The following XYLB variants were observed in gnomAD, a reference collection of about 807,000 sequenced individuals.
XYLB encodes xylulose kinase.
A neutral mutation model predicts 78.7 loss-of-function variants in XYLB; 62 were observed. The ratio of observed to expected loss-of-function variants is 0.79; its 90% CI spans 0.64 to 0.97. The LOEUF (loss-of-function observed/expected upper bound fraction) is 0.97, where lower values mean the gene tolerates loss of function less well. XYLB is among the 50% of genes least tolerant of loss of function. The pLI, the probability that XYLB is intolerant of heterozygous loss-of-function variation, is 0.00. For synonymous variants in XYLB, 245 were observed against 247.4 expected (o/e 0.99, Z 0.09); for missense variants, 687 against 676.8 (o/e 1.02, Z -0.17).
At position 38,355,852 on chromosome 3, in the gene XYLB, C is replaced by A. The variant is rs1290848117; in HGVS notation, c.141-4487C>A. On this transcript the variant is annotated intron_variant, in intron 2 of 18. Coordinates refer to ENST00000207870, the MANE Select transcript of XYLB (RefSeq NM_005108.4). ...CCCCACTCATGTTCCTAACCACCTA[C>A]TGATTGTGCTTTACATGAGGAGAAA... 8.6e-6 allele frequency: 6 copies of A among 699,932 alleles called. 1 individual carries two copies. In the Admixed American group the frequency reaches 1.0e-4, roughly 12 times the overall value. 43.4% of individuals were successfully genotyped at this position (699,932 alleles called of 1,614,324 possible).
intron 8 of XYLB, among the ~76,000 whole-genome samples, chr3:38,369,330 C>G (rs944819246): frequency 1.2e-4 from 19 of 152,208 alleles, no homozygotes; most frequent in Non-Finnish European, 2.1e-4. Context: ...TCCACCCGTT[C>G]TGCACACCTG....
At chr3:38,428,119 T>A in the XYLB span, among the ~76,000 whole-genome samples, 2 of 152,256 alleles carry the variant, frequency 1.3e-5, no homozygotes, top group Admixed American at 6.5e-5. Context: ...TATTAGGGGA[T>A]TTTCCAGATA....
intron 2 of XYLB, among the ~76,000 whole-genome samples, chr3:38,354,479 C>T (rs1346187394): frequency 6.6e-6 from 1 of 151,498 alleles, no homozygotes; most frequent in African/African-American, 2.4e-5. Context: ...ATCAGCTTTT[C>T]AGGTTCCAGA....
intron 17 of XYLB, among the ~76,000 whole-genome samples, chr3:38,397,920 A>G (rs562638836): frequency 5.4e-5 from 8 of 148,410 alleles, no homozygotes; most frequent in Non-Finnish European, 8.9e-5. Context: ...CCGGGTTCAC[A>G]CCATTCTCCT....
chr3:38,394,987 A>G (rs1156551363), intron 15 of XYLB, among the ~76,000 whole-genome samples: 1 of 152,202 alleles, frequency 6.6e-6, no homozygotes, highest in Non-Finnish European at 1.5e-5. Flanking sequence ...GGAAGCCTCA[A>G]TGTCTTTTAT....
chr3:38,376,098 G>T lies in XYLB; in HGVS notation c.1005-19G>T. The T allele has an allele frequency of 6.5e-7, 1 of 1,549,038 alleles. No individual in the cohort carries two copies. The highest frequency in any genetic ancestry group is 8.9e-7 in the Non-Finnish European group (1 of 1,121,430). Reference sequence around the variant, plus strand: ...GCAAGCACCAGCTCCCTCCCTCAGAGCTATGCCCTCTTCTGCAGCTTTAAA... The same window carrying T: ...GCAAGCACCAGCTCCCTCCCTCAGATCTATGCCCTCTTCTGCAGCTTTAAA... On this transcript the variant is annotated intron_variant, in intron 12 of 18. Coordinates refer to ENST00000207870, the MANE Select transcript of XYLB (RefSeq NM_005108.4).
In XYLB at chr3:38,413,009, A is replaced by C; in HGVS notation, c.1607A>C (p.Glu536Ala). ...TTGTCTCAGACCCGGGGGCCTCCGG[A>C]GTGAACAGGCATCCCTGTTGCCCCT... Reference protein sequence around the residue: ...RILSQTRGPPE With the variant: ...RILSQTRGPPA The change falls in exon 19 of 19, where the codon GAG becomes GCG. Residue 536 changes from glutamate (E) to alanine (A), a missense_variant. Glu to Ala is a moderately radical substitution (Grantham distance 107). Transcript: ENST00000207870. The C allele has an allele frequency of 6.2e-7, 1 of 1,600,162 alleles. No homozygotes were observed. Among genetic ancestry groups the C allele is most frequent in the South Asian group, 1.1e-5 (1 of 88,260 alleles).
chr3:38,444,837 C>T, the XYLB span, among the ~76,000 whole-genome samples: 2 of 149,978 alleles, frequency 1.3e-5, no homozygotes, highest in Non-Finnish European at 1.5e-5. Context: ...CTGCAATGGT[C>T]CCTGGACCCT....
At chr3:38,403,645 T>C (rs2125661542) in intron 18 of XYLB, among the ~76,000 whole-genome samples, 1 of 152,228 alleles carries the variant, frequency 6.6e-6, no homozygotes, top group South Asian at 2.1e-4. Flanking sequence ...TACCACTTGG[T>C]CATATGGTCA....
chr3:38,362,100 T>C (rs1294152043), intron 3 of XYLB, among the ~76,000 whole-genome samples: 2 of 152,220 alleles, frequency 1.3e-5, no homozygotes, highest in African/African-American at 4.8e-5. Context: ...CTCTGGCTCC[T>C]GGACACAGGG....
At chr3:38,351,853 T>C (rs1164692837) in intron 2 of XYLB, among the ~76,000 whole-genome samples, 2 of 152,272 alleles carry the variant, frequency 1.3e-5, no homozygotes, top group African/African-American at 4.8e-5. Flanking sequence ...CAATAGTTGG[T>C]TCCTATTATT....
chr3:38,372,185 CT>C (rs1235616282), intron 9 of XYLB, among the ~76,000 whole-genome samples: 1 of 152,142 alleles, frequency 6.6e-6, no homozygotes, highest in Non-Finnish European at 1.5e-5. Flanking sequence ...TTTTGGATTA[CT>C]TTCCTTAGAA....
chr3:38,453,017 C>T, the XYLB span: 2 of 152,108 alleles, frequency 1.3e-5, no homozygotes, highest in Non-Finnish European at 2.9e-5. Context: ...AGTTGGGAGC[C>T]CCATCACGTT....
chr3:38,383,870 A>G (rs1293437594), intron 15 of XYLB, among the ~76,000 whole-genome samples: 2 of 152,114 alleles, frequency 1.3e-5, no homozygotes, highest in Admixed American at 1.3e-4. Context: ...ATTTTCTCCC[A>G]GTCTCCTTTA....
At chr3:38,441,766 A>T in the XYLB span, among the ~76,000 whole-genome samples, 1 of 152,202 alleles carries the variant, frequency 6.6e-6, no homozygotes, top group Non-Finnish European at 1.5e-5. Flanking sequence ...GCAACTACCC[A>T]TAAACAGTGA....
intron 18 of XYLB, among the ~76,000 whole-genome samples, chr3:38,408,806 G>A (rs1375894411): frequency 3.3e-4 from 50 of 151,752 alleles, no homozygotes; most frequent in Admixed American, 5.3e-4. Context: ...TAAATTCCTC[G>A]ACACATACAC....
intron 4 of XYLB, among the ~76,000 whole-genome samples, chr3:38,364,618 C>T (rs1337647661): frequency 6.6e-6 from 1 of 151,542 alleles, no homozygotes; most frequent in Non-Finnish European, 1.5e-5. Flanking sequence ...GCATGCAACA[C>T]ACACTAGGAC....
intron 10 of XYLB, among the ~76,000 whole-genome samples, 158 bp downstream of exon 10, chr3:38,372,894 G>A (rs2125596909): frequency 6.6e-6 from 1 of 151,908 alleles, no homozygotes; most frequent in African/African-American, 2.4e-5. Context: ...CAGCCTCTTG[G>A]TGAAGCCTTC....
downstream of XYLB, among the ~76,000 whole-genome samples, chr3:38,416,142 A>G (rs1708786225): frequency 6.6e-6 from 1 of 152,194 alleles, no homozygotes; most frequent in Non-Finnish European, 1.5e-5. Flanking sequence ...TAATCACATG[A>G]AATAGTATCA....
Sources: allele counts gnomAD v4.1 joint callset (sites outside exome capture counted in the v4.1 genomes callset), GRCh38; gene constraint gnomAD v4.1.1; transcripts MANE v1.5; gene names NCBI Gene and HGNC (gene_info 2026-07-23, HGNC 2026-07-21).